The following RSF1 variants were observed in gnomAD, a reference collection of about 807,000 sequenced individuals.
The protein encoded by RSF1 is remodeling and spacing factor 1, also known as HBV pX-associated protein 8.
In RSF1, 13 loss-of-function variants were observed where a neutral mutation model predicts 145.2. The ratio of observed to expected loss-of-function variants is 0.09; its 90% CI spans 0.06 to 0.14. The LOEUF is 0.14. Ranked by LOEUF, RSF1 falls within the 10% of genes least tolerant of loss-of-function variation. RSF1 has a pLI of 1.00. For synonymous variants in RSF1, 577 were observed against 592.6 expected (o/e 0.97, Z 0.38); for missense variants, 1,517 against 1,718.2 (o/e 0.88, Z 2.07).
At chr11:77,695,219 T>C (rs955876438) in intron 7 of RSF1, among the ~76,000 whole-genome samples, 1 of 152,116 alleles carries the variant, frequency 6.6e-6, no homozygotes, top group Non-Finnish European at 1.5e-5. Flanking sequence ...AATAAATACC[T>C]TGGGGGAGAT....
At chr11:77,859,355 T>C in the RSF1 span, among the ~76,000 whole-genome samples, 2 of 152,338 alleles carry the variant, frequency 1.3e-5, no homozygotes, top group East Asian at 3.9e-4. Flanking sequence ...CCCAGCAGTG[T>C]AAGACTGCTA....
At chr11:77,776,865 A>C (rs2135951085) in intron 1 of RSF1, among the ~76,000 whole-genome samples, 1 of 152,350 alleles carries the variant, frequency 6.6e-6, no homozygotes, top group East Asian at 1.9e-4. Context: ...GAACATTTGC[A>C]AACTGGTAAT....
intron 1 of RSF1, among the ~76,000 whole-genome samples, chr11:77,789,987 G>A (rs968256599): frequency 1.3e-5 from 2 of 152,258 alleles, no homozygotes; most frequent in Admixed American, 6.5e-5. Context: ...CACAGCCACC[G>A]CCAACACCAG....
At chr11:77,820,770 C>A, upstream of RSF1, 1 of 1,494,746 alleles carries the variant, frequency 6.7e-7, no homozygotes, top group Non-Finnish European at 9.0e-7. Context: ...GTTGTGGTGC[C>A]GAGGGATGGC....
At chr11:77,769,295 C>A (rs753906904) in intron 1 of RSF1, among the ~76,000 whole-genome samples, 1 of 152,174 alleles carries the variant, frequency 6.6e-6, no homozygotes, top group Non-Finnish European at 1.5e-5. Flanking sequence ...AATACATGAT[C>A]ATTTTCTAAA....
At chr11:77,703,422 T>TC (rs1294858947) in intron 5 of RSF1, 2 of 152,336 alleles carry the variant, frequency 1.3e-5, no homozygotes, top group East Asian at 3.9e-4. Flanking sequence ...ACATTTTTAA[T>TC]CCCTTCACCT....
At chr11:77,741,956 T>G (rs955984539) in intron 3 of RSF1, among the ~76,000 whole-genome samples, 70 of 152,226 alleles carry the variant, frequency 4.6e-4, no homozygotes, top group Non-Finnish European at 5.1e-4. Context: ...TTTCAGTGCG[T>G]TGCTTATTTT....
chr11:77,849,643 G>A, the RSF1 span, among the ~76,000 whole-genome samples: 1 of 151,878 alleles, frequency 6.6e-6, no homozygotes, highest in Non-Finnish European at 1.5e-5. Context: ...GTTTTTTTGT[G>A]TGTTTTTTTT....
the RSF1 span, among the ~76,000 whole-genome samples, chr11:77,863,019 TGTG>T: frequency 7.2e-5 from 11 of 152,216 alleles, no homozygotes; most frequent in Non-Finnish European, 1.2e-4. Context: ...GAGCTCCTAA[TGTG>T]GTGGTGGGCC....
At chr11:77,851,781 T>A in the RSF1 span, among the ~76,000 whole-genome samples, 4 of 152,290 alleles carry the variant, frequency 2.6e-5, no homozygotes, top group South Asian at 6.2e-4. Context: ...GTCAAGCAGA[T>A]GCTGGTATCA....
chr11:77,795,568 T>C (rs1029653964), intron 1 of RSF1, among the ~76,000 whole-genome samples: 2 of 152,146 alleles, frequency 1.3e-5, no homozygotes, highest in African/African-American at 2.4e-5. Flanking sequence ...TAAATATATT[T>C]ACCAGCCAAC....
intron 4 of RSF1, among the ~76,000 whole-genome samples, chr11:77,733,898 C>A (rs750147639): frequency 6.6e-6 from 1 of 152,098 alleles, no homozygotes; most frequent in Non-Finnish European, 1.5e-5. Flanking sequence ...TATTGACATA[C>A]CCCATGGAGT....
intron 3 of RSF1, among the ~76,000 whole-genome samples, chr11:77,742,341 G>A (rs12575416): frequency 0.1 from 15,726 of 152,018 alleles, 1,023 homozygotes; most frequent in Non-Finnish European, 0.15. Flanking sequence ...GTGCAGTGGC[G>A]CGATCTCGGC....
chr11:77,708,262 T>C (rs780811222), intron 5 of RSF1, among the ~76,000 whole-genome samples: 2 of 152,038 alleles, frequency 1.3e-5, no homozygotes, highest in Non-Finnish European at 2.9e-5. Context: ...CGACCAAATA[T>C]AGAAAAATTC....
chr11:77,751,087 T>C (rs1435096865), intron 2 of RSF1, among the ~76,000 whole-genome samples: 1 of 152,026 alleles, frequency 6.6e-6, no homozygotes, highest in Non-Finnish European at 1.5e-5. Context: ...AGGATGAGGA[T>C]GGAAAATGTT....
chr11:77,865,128 G>A, the RSF1 span, among the ~76,000 whole-genome samples: 1 of 152,138 alleles, frequency 6.6e-6, no homozygotes, highest in East Asian at 1.9e-4. Context: ...TGTCTAATGT[G>A]GTTGAGTCCC....
chr11:77,698,465 T>A (rs1173175943), intron 7 of RSF1, 22 bp downstream of exon 7: 1 of 1,606,064 alleles, frequency 6.2e-7, no homozygotes, highest in Non-Finnish European at 8.5e-7. Flanking sequence ...ATGAGTATTC[T>A]TCATTTACAT....
At chr11:77,720,700 G>A (rs1259377856) in intron 5 of RSF1, among the ~76,000 whole-genome samples, 1 of 152,172 alleles carries the variant, frequency 6.6e-6, no homozygotes, top group Non-Finnish European at 1.5e-5. Context: ...GAGTTGGGGA[G>A]ACAACATCTG....
At position 77,755,657 on chromosome 11, in the gene RSF1, G is replaced by A. The variant is rs141010639; in HGVS notation, c.280-8529C>T. Among the ~76,000 whole-genome samples, 718 of 151,340 alleles carry A rather than the reference G, an allele frequency of 4.7e-3. 5 individuals are homozygous for A. The highest frequency in any genetic ancestry group is 0.017 in the African/African-American group (699 of 41,196). On this transcript the variant is annotated intron_variant, in intron 2 of 15. Transcript: ENST00000308488. ...TGCCATGGAGTGATCTCAGCTCACT[G>A]CAACCTCTGCCCCCCAGGTTCAAGC...
Sources: allele counts gnomAD v4.1 joint callset (sites outside exome capture counted in the v4.1 genomes callset), GRCh38; gene constraint gnomAD v4.1.1; transcripts MANE v1.5; gene names NCBI Gene and HGNC (gene_info 2026-07-23, HGNC 2026-07-21).